Variants in COL23A1 observed in about 807,000 individuals in gnomAD.
COL23A1 encodes collagen type XXIII alpha 1 chain.
COL23A1 carries 97 observed loss-of-function variants against 99.3 expected under a neutral mutation model. That is an observed-to-expected ratio of 0.98 (90% CI 0.83 to 1.16). The LOEUF (loss-of-function observed/expected upper bound fraction) is 1.16. Among genes scored for constraint, COL23A1 ranks in the 50% most tolerant of loss-of-function variants. COL23A1 has a pLI of 0.00. For missense variants in COL23A1, 762 were observed against 757.4 expected (o/e 1.01, Z -0.07); for synonymous variants, 320 against 308.2 (o/e 1.04, Z -0.40).
At chr5:178,488,568 C>T (rs965755936) in intron 2 of COL23A1, among the ~76,000 whole-genome samples, 1 of 152,142 alleles carries the variant, frequency 6.6e-6, no homozygotes, top group Non-Finnish European at 1.5e-5. Context: ...TCGTTGAAGT[C>T]TTGCACCAAT....
intron 2 of COL23A1, among the ~76,000 whole-genome samples, chr5:178,503,668 A>G (rs1016286316): frequency 1.3e-5 from 2 of 152,168 alleles, no homozygotes; most frequent in African/African-American, 4.8e-5. Context: ...AGGGAGGGAG[A>G]GAGAGATAAA....
chr5:178,523,167 TATATATATATACAC>T (rs1401999379), intron 2 of COL23A1, among the ~76,000 whole-genome samples: 2 of 110,906 alleles, frequency 1.8e-5, no homozygotes, highest in African/African-American at 6.4e-5. Flanking sequence ...TATATACATA[TATATATATATACAC>T]ATATATATAT....
intron 2 of COL23A1, among the ~76,000 whole-genome samples, chr5:178,398,121 A>T (rs1206902079): frequency 1.3e-5 from 2 of 152,200 alleles, no homozygotes; most frequent in African/African-American, 4.8e-5. Flanking sequence ...GAGGATAATA[A>T]GGGCATGTTG....
At position 178,544,382 on chromosome 5, in the gene COL23A1, A is replaced by G. The variant is rs1361422611; in HGVS notation, c.361+16300T>C. ...CGCACTTCAGGGAGGACGCAGGCGC[A>G]GGGCCGGGGAGCTGGGAGGCACCAC... On this transcript the variant is annotated intron_variant, in intron 2 of 28. Transcript: ENST00000390654. This position sits in a 1 kb window ranked among gnomAD's most constrained non-coding sequence, Gnocchi z 4.4. Among the ~76,000 whole-genome samples, 1 of 152,200 alleles carries G rather than the reference A, an allele frequency of 6.6e-6. No homozygotes were observed. Among genetic ancestry groups the G allele is most frequent in the Non-Finnish European group, 1.5e-5 (1 of 68,042 alleles).
intron 2 of COL23A1, among the ~76,000 whole-genome samples, chr5:178,527,922 T>C (rs1760406583): frequency 6.6e-6 from 1 of 152,206 alleles, no homozygotes; most frequent in African/African-American, 2.4e-5. Flanking sequence ...GCTCCCCACA[T>C]TCACACACAC....
intron 2 of COL23A1, among the ~76,000 whole-genome samples, chr5:178,491,651 G>A (rs985362405): frequency 7.2e-5 from 11 of 152,112 alleles, no homozygotes; most frequent in African/African-American, 2.7e-4. Flanking sequence ...TGGGGCAAGG[G>A]AGATTCCACG....
chr5:178,464,300 G>A (rs1354048844), intron 2 of COL23A1, among the ~76,000 whole-genome samples: 4 of 152,104 alleles, frequency 2.6e-5, no homozygotes, highest in East Asian at 1.9e-4. Context: ...GCGTAAAATC[G>A]TGCAGTATGT....
chr5:178,291,504 A>G (rs1209342541), intron 3 of COL23A1, among the ~76,000 whole-genome samples: 1 of 152,208 alleles, frequency 6.6e-6, no homozygotes, highest in African/African-American at 2.4e-5. Flanking sequence ...AGCTCAGAAC[A>G]TGCCAAGATC....
At chr5:178,410,341 C>A (rs1433842355) in intron 2 of COL23A1, among the ~76,000 whole-genome samples, 1 of 152,156 alleles carries the variant, frequency 6.6e-6, no homozygotes, top group Non-Finnish European at 1.5e-5. Flanking sequence ...AAAACTCCAG[C>A]CACCTTTTCT....
intron 2 of COL23A1, among the ~76,000 whole-genome samples, chr5:178,371,998 T>G (rs1762825469): frequency 6.6e-6 from 1 of 152,198 alleles, no homozygotes; most frequent in Non-Finnish European, 1.5e-5. Flanking sequence ...CTTTCTAGAT[T>G]AGAGGCTGCA....
At chr5:178,492,393 C>G (rs969050175) in intron 2 of COL23A1, among the ~76,000 whole-genome samples, 1 of 151,980 alleles carries the variant, frequency 6.6e-6, no homozygotes, top group African/African-American at 2.4e-5. Flanking sequence ...GAGGGAAGGC[C>G]GTGTGAGGAC....
chr5:178,312,020 C>T (rs530059739), intron 2 of COL23A1, among the ~76,000 whole-genome samples: 23 of 152,242 alleles, frequency 1.5e-4, no homozygotes, highest in South Asian at 1.0e-3. Context: ...TGTGGGCTAC[C>T]GCGCCCGGCC....
intron 3 of COL23A1, among the ~76,000 whole-genome samples, chr5:178,303,355 CA>C (rs1758174633): frequency 6.6e-6 from 1 of 152,196 alleles, no homozygotes; most frequent in African/African-American, 2.4e-5. Flanking sequence ...TAAAATGCTA[CA>C]AATCTTACTG....
chr5:178,331,022 A>C (rs1314260437), intron 2 of COL23A1, among the ~76,000 whole-genome samples: 1 of 152,236 alleles, frequency 6.6e-6, no homozygotes, highest in Non-Finnish European at 1.5e-5. Context: ...CAGCCGGATA[A>C]ACCTCGTCTC....
chr5:178,485,624 A>C (rs904776631), intron 2 of COL23A1, among the ~76,000 whole-genome samples: 3 of 151,864 alleles, frequency 2.0e-5, no homozygotes, highest in Non-Finnish European at 4.4e-5. Flanking sequence ...AATACAAAAA[A>C]ATAAAGTTAG....
At chr5:178,338,111 A>C (rs1284525175) in intron 2 of COL23A1, among the ~76,000 whole-genome samples, 1 of 152,066 alleles carries the variant, frequency 6.6e-6, no homozygotes, top group African/African-American at 2.4e-5. Context: ...AGGGGAACTG[A>C]CCCATGCGGT....
At chr5:178,372,879 A>G (rs985737454) in intron 2 of COL23A1, among the ~76,000 whole-genome samples, 1 of 151,506 alleles carries the variant, frequency 6.6e-6, no homozygotes, top group Admixed American at 6.6e-5. Context: ...CCCAGCCCCC[A>G]GCTTCAGAGA....
chr5:178,288,192 T>C, intron 5 of COL23A1, 132 bp downstream of exon 5: 4 of 880,424 alleles, frequency 4.5e-6, no homozygotes, highest in South Asian at 3.9e-5. Context: ...GCTAATCGCC[T>C]CCACAGAAAG....
chr5:178,500,677 C>G (rs1042026934), intron 2 of COL23A1, among the ~76,000 whole-genome samples: 2 of 150,822 alleles, frequency 1.3e-5, no homozygotes, highest in Non-Finnish European at 3.0e-5. Context: ...GGATCCCTAC[C>G]CCATAACATA....
Sources: gnomAD v4.1 joint callset for allele counts (sites outside exome capture counted in the v4.1 genomes callset) on GRCh38, gnomAD v4.1.1 for gene constraint, Gnocchi (gnomAD v3.1) non-coding constraint, MANE v1.5 for transcripts, NCBI Gene and HGNC (gene_info 2026-07-23, HGNC 2026-07-21) for gene names.